The following MYH14 variants were observed in gnomAD, a reference collection of about 807,000 sequenced individuals.
MYH14 encodes myosin heavy chain 14.
MYH14 carries 123 observed loss-of-function variants against 255.5 expected under a neutral mutation model. The ratio of observed to expected loss-of-function variants is 0.48; its 90% CI spans 0.42 to 0.56. The LOEUF (loss-of-function observed/expected upper bound fraction) is 0.56, where lower values mean the gene tolerates loss of function less well. Among genes scored for constraint, MYH14 ranks in the 20% least tolerant of loss-of-function variants. The pLI, the probability that MYH14 is intolerant of heterozygous loss-of-function variation, is 0.00. For synonymous variants in MYH14, 1,095 were observed against 1,161.2 expected (o/e 0.94, Z 1.16); for missense variants, 2,423 against 2,802.3 (o/e 0.86, Z 3.06).
chr19:50,267,146 A>G, intron 23 of MYH14, 138 bp downstream of exon 23: 1 of 870,856 alleles, frequency 1.1e-6, no homozygotes, highest in Non-Finnish European at 1.7e-6. Flanking sequence ...GATGGGAGCA[A>G]AGCTAAGGTG....
chr19:50,259,604 C>T (rs2034746051), intron 19 of MYH14, among the ~76,000 whole-genome samples: 1 of 152,194 alleles, frequency 6.6e-6, no homozygotes, highest in South Asian at 2.1e-4. Context: ...GAAGGCGGGG[C>T]GCGGTGGCTC....
At position 50,244,238 on chromosome 19, in the gene MYH14, C is replaced by T. The variant is rs142696359; in HGVS notation, c.1115-4C>T. ...ACACGTGACCTCTGTCCTTGCGTCC[C>T]CAGCCATGCTGCGGATGGTCTCAGC... On this transcript the variant is annotated splice_polypyrimidine_tract_variant and splice_region_variant and intron_variant, in intron 10 of 42. Coordinates refer to ENST00000642316, the MANE Select transcript of MYH14 (RefSeq NM_001145809.2). 4.1e-4 allele frequency: 669 copies of T among 1,613,446 alleles called. 1 individual carries two copies. The highest frequency in any genetic ancestry group is 1.1e-3 in the Admixed American group (65 of 60,010).
intron 3 of MYH14, 131 bp downstream of exon 3, chr19:50,217,902 C>A (rs958920020): frequency 9.1e-7 from 1 of 1,098,966 alleles, no homozygotes. Context: ...TCTTAGGGGG[C>A]TGGAGGGAGC....
chr19:50,218,541 T>C (rs1266259893), intron 3 of MYH14, among the ~76,000 whole-genome samples: 1 of 151,710 alleles, frequency 6.6e-6, no homozygotes, highest in Non-Finnish European at 1.5e-5. Flanking sequence ...GAGCTTGCAG[T>C]GAGCCGAGAT....
chr19:50,257,705 TG>T (rs2034644369), intron 18 of MYH14, among the ~76,000 whole-genome samples: 1 of 152,168 alleles, frequency 6.6e-6, no homozygotes, highest in Non-Finnish European at 1.5e-5. Flanking sequence ...GAACAGGTAC[TG>T]GGGAGGCATT....
At chr19:50,212,413 C>T (rs990238895) in intron 2 of MYH14, among the ~76,000 whole-genome samples, 12 of 152,296 alleles carry the variant, frequency 7.9e-5, no homozygotes, top group African/African-American at 2.6e-4. Context: ...TAATCGAGCA[C>T]TCGTGATGTG....
chr19:50,286,126 A>G (rs1226945000), intron 33 of MYH14: 1 of 171,882 alleles, frequency 5.8e-6, no homozygotes, highest in Non-Finnish European at 1.2e-5. Context: ...TCTTTTTTGC[A>G]TGTTTTATAA....
intron 2 of MYH14, among the ~76,000 whole-genome samples, chr19:50,212,862 G>T (rs1471617450): frequency 1.3e-5 from 2 of 152,120 alleles, no homozygotes; most frequent in African/African-American, 4.8e-5. Flanking sequence ...TGGAAAAGAG[G>T]CCTCTACATG....
In MYH14 at chr19:50,230,478, G is replaced by T. The variant is rs1489567910; in HGVS notation, c.875-47G>T. 6.6e-7 allele frequency: 1 copy of T among 1,513,868 alleles called. No homozygotes were observed. Among genetic ancestry groups the T allele is most frequent in the Admixed American group, 2.0e-5 (1 of 50,956 alleles). The allele number at this position is 1,513,868 out of a possible 1,614,324, so 93.8% of individuals were successfully genotyped here. On this transcript the variant is annotated intron_variant, in intron 8 of 42. Transcript: ENST00000642316. The surrounding 1 kb of genome is among the most constrained non-coding windows in gnomAD (Gnocchi z 4.7). The stretch of plus-strand genomic sequence containing the variant: ...CAGGCTCCTGTAGTGGCCTGGCAGC[G>T]TCGGGGCCGTCCCTTCCCCTCTAGC...
At chr19:50,231,559 A>T (rs989707575) in intron 9 of MYH14, among the ~76,000 whole-genome samples, 2 of 151,844 alleles carry the variant, frequency 1.3e-5, no homozygotes, top group Non-Finnish European at 2.9e-5. Flanking sequence ...TAATAACAAT[A>T]ATAATAAGCT....
At chr19:50,274,727 A>G (rs935590023) in intron 27 of MYH14, among the ~76,000 whole-genome samples, 5 of 152,150 alleles carry the variant, frequency 3.3e-5, no homozygotes, top group East Asian at 1.9e-4. Flanking sequence ...CCAGGAATTC[A>G]AGACCAGCCT....
chr19:50,257,202 C>A, intron 17 of MYH14, 97 bp from the exon 18 acceptor site: 1 of 975,906 alleles, frequency 1.0e-6, no homozygotes, highest in Non-Finnish European at 1.5e-6. Context: ...ATGTAAAGTG[C>A]CAGTTGTGAT....
rs1309601523 is a variant in MYH14, at chr19:50,268,147, C to T, written c.2827-14C>T. 1.3e-6 allele frequency: 2 copies of T among 1,539,350 alleles called. No homozygotes were observed. The highest frequency in any genetic ancestry group is 1.4e-5 in the African/African-American group (1 of 73,082). On this transcript the variant is annotated splice_polypyrimidine_tract_variant and intron_variant, in intron 23 of 42. Transcript: ENST00000642316. ...CACTGCCTGCTGACCACTAACCTCC[C>T]ACACACTCCCCAGCTGGAAGAGGAG...
At chr19:50,220,759 G>T (rs2032779065) in intron 3 of MYH14, among the ~76,000 whole-genome samples, 1 of 151,962 alleles carries the variant, frequency 6.6e-6, no homozygotes, top group Admixed American at 6.6e-5. Flanking sequence ...CACCATGTTG[G>T]CCGGGCTGGT....
At chr19:50,224,968 T>G in intron 6 of MYH14, 1 of 396,884 alleles carries the variant, frequency 2.5e-6, no homozygotes, top group South Asian at 1.8e-5. Flanking sequence ...TAGCTGGGCA[T>G]GGTGGTGCTT....
intron 21 of MYH14, 118 bp from the exon 22 acceptor site, chr19:50,263,194 G>A (rs750129008): frequency 1.0e-4 from 76 of 724,396 alleles, no homozygotes; most frequent in Non-Finnish European, 1.5e-4. Flanking sequence ...GCAAGACTCT[G>A]TCTCAGAAAA....
In MYH14 at chr19:50,231,968, C is replaced by T. The variant is rs1252900242; in HGVS notation, c.1012C>T (p.Leu338=). The T allele has an allele frequency of 6.2e-7, 1 of 1,613,860 alleles. No individual in the cohort carries two copies. The highest frequency in any genetic ancestry group is 8.5e-7 in the Non-Finnish European group (1 of 1,179,914). ...CGAGCCCTGCTCCCACTACCGGTTC[C>T]TGACCAACGGGCCGTCATCCTCTCC... The part of the protein sequence containing the change: ...LLEPCSHYRF[L]TNGPSSSPGQ... Residue 338 remains leucine, a synonymous_variant, in exon 10 of 43, where the codon CTG becomes TTG. Coordinates refer to ENST00000642316, the MANE Select transcript of MYH14 (RefSeq NM_001145809.2).
At chr19:50,297,803 A>C (rs2036329123) in intron 39 of MYH14, among the ~76,000 whole-genome samples, 1 of 151,802 alleles carries the variant, frequency 6.6e-6, no homozygotes, top group African/African-American at 2.4e-5. Flanking sequence ...CCTGGCCCTC[A>C]TCTCCTCTTA....
chr19:50,293,945 A>C lies in MYH14; in HGVS notation c.5469+258A>C, dbSNP rs1483965553. Among the ~76,000 whole-genome samples, 1 of 152,210 alleles carries C rather than the reference A, an allele frequency of 6.6e-6. No homozygotes were observed. Among genetic ancestry groups the C allele is most frequent in the Admixed American group, 6.5e-5 (1 of 15,272 alleles). On this transcript the variant is annotated intron_variant, in intron 39 of 42. Coordinates refer to ENST00000642316, the MANE Select transcript of MYH14 (RefSeq NM_001145809.2). The surrounding 1 kb of genome is among the most constrained non-coding windows in gnomAD (Gnocchi z 4.1). ...GTGATCATGGAAGTCTCCTGGGCCC[A>C]GTAGAGAGAGAGAAAAGACTTTCTG...
Sources: allele counts gnomAD v4.1 joint callset (sites outside exome capture counted in the v4.1 genomes callset), GRCh38; gene constraint gnomAD v4.1.1; non-coding constraint Gnocchi (gnomAD v3.1); transcripts MANE v1.5; gene names NCBI Gene and HGNC (gene_info 2026-07-23, HGNC 2026-07-21).